The following SYN3 variants were observed in gnomAD, a reference collection of about 807,000 sequenced individuals.
SYN3 encodes the protein synapsin III.
In SYN3, 35 loss-of-function variants were observed where a neutral mutation model predicts 65.8. The observed-to-expected ratio is 0.53, with a 90% CI of 0.41 to 0.70. The LOEUF is 0.70. SYN3 is among the 30% of genes least tolerant of loss of function. The pLI, the probability that SYN3 is intolerant of heterozygous loss-of-function variation, is 0.00. For missense variants in SYN3, 680 were observed against 749.0 expected (o/e 0.91, Z 1.08); for synonymous variants, 270 against 292.9 (o/e 0.92, Z 0.80).
intron 3 of SYN3, among the ~76,000 whole-genome samples, chr22:32,979,000 G>T (rs914153109): frequency 6.6e-6 from 1 of 151,798 alleles, no homozygotes; most frequent in African/African-American, 2.4e-5. Flanking sequence ...CCAACATGGT[G>T]AAATTCCATC....
At chr22:32,644,051 C>T (rs1225894654) in intron 6 of SYN3, among the ~76,000 whole-genome samples, 9 of 116,016 alleles carry the variant, frequency 7.8e-5, no homozygotes, top group South Asian at 3.0e-4. Context: ...GTACTCCAGC[C>T]TGGGCAAGCG....
intron 6 of SYN3, among the ~76,000 whole-genome samples, chr22:32,832,088 C>T (rs546738091): frequency 1.2e-3 from 183 of 152,302 alleles, no homozygotes; most frequent in Non-Finnish European, 2.2e-3. Flanking sequence ...CAACTCCGTA[C>T]TTGTTTCTGT....
chr22:32,983,599 T>A (rs2145668876), intron 2 of SYN3, among the ~76,000 whole-genome samples: 1 of 149,266 alleles, frequency 6.7e-6, no homozygotes, highest in African/African-American at 2.5e-5. Context: ...TTAGTATGAC[T>A]CGAAAGCAAG....
At chr22:32,870,391 T>G (rs1315060592) in intron 4 of SYN3, among the ~76,000 whole-genome samples, 1 of 152,202 alleles carries the variant, frequency 6.6e-6, no homozygotes, top group East Asian at 1.9e-4. Context: ...CAAAAATATC[T>G]TCTAAAATAT....
At chr22:32,999,519 C>T (rs2052994369) in intron 2 of SYN3, among the ~76,000 whole-genome samples, 1 of 152,100 alleles carries the variant, frequency 6.6e-6, no homozygotes, top group South Asian at 2.1e-4. Flanking sequence ...ACCGTCTCTA[C>T]TAAAAATACA....
In SYN3 at chr22:32,895,559, C is replaced by T. The variant is rs78148903; in HGVS notation, c.462-26434G>A. Among the ~76,000 whole-genome samples the T allele has an allele frequency of 7.7e-3, 1,167 of 152,236 alleles. 7 individuals are homozygous for T. Among genetic ancestry groups the T allele is most frequent in the East Asian group, 0.025 (130 of 5,182 alleles). ...GAGTGACCTGATCCTTGACAGCAAA[C>T]CTCTCATTGCACCAAATCTGGAAAC... On this transcript the variant is annotated intron_variant, in intron 4 of 13. Transcript: ENST00000358763.
chr22:32,700,491 A>G (rs1185852847), intron 6 of SYN3, among the ~76,000 whole-genome samples: 2 of 152,192 alleles, frequency 1.3e-5, no homozygotes, highest in Admixed American at 1.3e-4. Context: ...AAACAAGAAC[A>G]ATGAAATTTA....
At chr22:32,550,869 G>C (rs746044039) in intron 7 of SYN3, among the ~76,000 whole-genome samples, 2 of 152,126 alleles carry the variant, frequency 1.3e-5, no homozygotes, top group South Asian at 2.1e-4. Context: ...TAAAAGGAAA[G>C]CTACCATGTC....
At chr22:32,853,886 C>CA (rs2048292053) in intron 6 of SYN3, among the ~76,000 whole-genome samples, 1 of 152,024 alleles carries the variant, frequency 6.6e-6, no homozygotes, top group Non-Finnish European at 1.5e-5. Context: ...AGTAACTTTC[C>CA]AAGTGGCGAA....
chr22:33,026,873 G>A (rs887820303), intron 1 of SYN3, among the ~76,000 whole-genome samples: 1 of 152,198 alleles, frequency 6.6e-6, no homozygotes, highest in Non-Finnish European at 1.5e-5. Context: ...ACTGTATACT[G>A]CACAAACTCC....
intron 6 of SYN3, among the ~76,000 whole-genome samples, chr22:32,829,483 C>T (rs1380826607): frequency 6.6e-6 from 1 of 152,188 alleles, no homozygotes; most frequent in East Asian, 1.9e-4. Context: ...CACTTCTTGG[C>T]CTGGGAATTG....
chr22:32,961,504 C>T (rs1036622399), intron 3 of SYN3, among the ~76,000 whole-genome samples: 2 of 152,148 alleles, frequency 1.3e-5, no homozygotes, highest in African/African-American at 4.8e-5. Flanking sequence ...TGGTTTCACC[C>T]CCATCATATA....
chr22:33,054,103 G>T (rs1357335300), intron 1 of SYN3, among the ~76,000 whole-genome samples: 3 of 152,124 alleles, frequency 2.0e-5, no homozygotes, highest in African/African-American at 7.2e-5. Context: ...TAGTTATAAA[G>T]ATCAAATTAA....
chr22:32,673,970 G>A (rs1601888484), intron 6 of SYN3, among the ~76,000 whole-genome samples: 1 of 152,150 alleles, frequency 6.6e-6, no homozygotes, highest in East Asian at 1.9e-4. Flanking sequence ...CTGTGGAGGT[G>A]TGGCTACTCT....
chr22:32,689,481 C>G (rs1188787329), intron 6 of SYN3, among the ~76,000 whole-genome samples: 2 of 152,214 alleles, frequency 1.3e-5, no homozygotes, highest in Admixed American at 6.5e-5. Flanking sequence ...CTGTGATCTT[C>G]TCCTGCTCTA....
chr22:32,937,141 A>G (rs1449145890), intron 3 of SYN3, among the ~76,000 whole-genome samples: 3 of 152,230 alleles, frequency 2.0e-5, no homozygotes, highest in Admixed American at 1.3e-4. Context: ...GGAGAAATCA[A>G]CGAATAGAAA....
At chr22:32,876,203 A>C (rs767087486) in intron 4 of SYN3, among the ~76,000 whole-genome samples, 2 of 152,078 alleles carry the variant, frequency 1.3e-5, no homozygotes, top group African/African-American at 4.8e-5. Flanking sequence ...GTGTCCTTAC[A>C]TGGCAGAAGG....
At chr22:33,048,906 T>C (rs1049773594) in intron 1 of SYN3, among the ~76,000 whole-genome samples, 2 of 152,160 alleles carry the variant, frequency 1.3e-5, no homozygotes, top group Non-Finnish European at 2.9e-5. Context: ...CCCCATGCCC[T>C]AGAGATTTGA....
intron 4 of SYN3, among the ~76,000 whole-genome samples, chr22:32,922,185 T>G (rs1363279678): frequency 1.3e-5 from 2 of 152,180 alleles, no homozygotes; most frequent in African/African-American, 4.8e-5. Context: ...TGCATGGCAT[T>G]CATAGTAGGA....
Sources: allele counts gnomAD v4.1 joint callset (sites outside exome capture counted in the v4.1 genomes callset), GRCh38; gene constraint gnomAD v4.1.1; transcripts MANE v1.5; gene names NCBI Gene and HGNC (gene_info 2026-07-23, HGNC 2026-07-21).